The following TENM3 variants were observed in gnomAD, a reference collection of about 807,000 sequenced individuals.
The protein encoded by TENM3 is teneurin-3.
A neutral mutation model predicts 255.1 loss-of-function variants in TENM3; 63 were observed. The ratio of observed to expected loss-of-function variants is 0.25; its 90% CI spans 0.20 to 0.30. The LOEUF is 0.30. Ranked by LOEUF, TENM3 falls within the 10% of genes least tolerant of loss-of-function variation. The pLI is 1.00. For missense variants in TENM3, 2,929 were observed against 3,461.1 expected (o/e 0.85, Z 3.86); for synonymous variants, 1,306 against 1,322.3 (o/e 0.99, Z 0.27).
the TENM3 span, among the ~76,000 whole-genome samples, chr4:182,066,465 T>A: frequency 2.0e-5 from 3 of 152,106 alleles, no homozygotes; most frequent in Non-Finnish European, 4.4e-5. Context: ...AGCCTCGATG[T>A]GTGGCTTTAA....
chr4:182,109,317 C>T, the TENM3 span, among the ~76,000 whole-genome samples: 1 of 149,058 alleles, frequency 6.7e-6, no homozygotes, highest in Non-Finnish European at 1.5e-5. Context: ...ATAATCACTA[C>T]AGATAGTGAT....
the TENM3 span, among the ~76,000 whole-genome samples, chr4:182,095,443 C>T: frequency 6.6e-6 from 1 of 152,134 alleles, no homozygotes; most frequent in Non-Finnish European, 1.5e-5. Context: ...AAACCAGGCA[C>T]AGAAAGATAA....
chr4:182,299,890 G>C (rs938158201), intron 1 of TENM3, among the ~76,000 whole-genome samples: 1 of 151,596 alleles, frequency 6.6e-6, no homozygotes, highest in Non-Finnish European at 1.5e-5. Flanking sequence ...CAGAAGAAAA[G>C]ACCTGCTGTA....
At chr4:181,868,212 A>C in the TENM3 span, among the ~76,000 whole-genome samples, 1 of 152,072 alleles carries the variant, frequency 6.6e-6, no homozygotes, top group Non-Finnish European at 1.5e-5. Flanking sequence ...TATTCTCCAC[A>C]CGCCAACAGG....
intron 3 of TENM3, among the ~76,000 whole-genome samples, chr4:182,456,568 A>G (rs972196589): frequency 2.6e-5 from 4 of 152,246 alleles, no homozygotes; most frequent in African/African-American, 4.8e-5. Flanking sequence ...GTTAACTTAC[A>G]TGTACAGTTA....
At chr4:181,836,990 A>G in the TENM3 span, among the ~76,000 whole-genome samples, 3 of 100,626 alleles carry the variant, frequency 3.0e-5, no homozygotes, top group African/African-American at 8.2e-5. Context: ...TATTCTTAAG[A>G]ACTAAATTGT....
rs1766925015 is a variant in TENM3, at chr4:182,801,102, A to ACTT, written c.*752_*754dup. 6.6e-6 allele frequency: 1 copy of ACTT among 152,666 alleles called. No individual in the cohort carries two copies. Among genetic ancestry groups the ACTT allele is most frequent in the Non-Finnish European group, 1.5e-5 (1 of 68,052 alleles). 9.5% of individuals were successfully genotyped at this position (152,666 alleles called of 1,614,324 possible). On this transcript the variant is annotated 3_prime_UTR_variant, in exon 28 of 28. Transcript: ENST00000511685. ...TTATGTAAAGTGTTTAAAAATTTAT[A>ACTT]CTTAAAAATAAAATGATAAAAACGT...
In TENM3 at chr4:182,793,829, T is replaced by G; in HGVS notation, c.7157T>G (p.Met2386Arg). The change falls in exon 26 of 28, where the codon ATG (methionine) becomes AGG (arginine). Residue 2386 changes from methionine to arginine, a missense_variant. By Grantham distance (91) the Met-to-Arg change is moderately conservative (BLOSUM62 -1). This residue lies in a region of TENM3 where 476 missense variants were observed against 480.1 expected (regional missense o/e 0.99). Coordinates refer to ENST00000511685, the MANE Select transcript of TENM3 (RefSeq NM_001080477.4). This position sits in a 1 kb window ranked among gnomAD's most constrained non-coding sequence, Gnocchi z 5.7. ...GKDPAPFNLY[M>R]FRNNNPASKI... ...GACCCAGCTCCTTTTAACTTGTACA[T>G]GTTTAGGAATAACAACCCTGCAAGC... 6.2e-7 allele frequency: 1 copy of G among 1,613,576 alleles called. No homozygotes were observed.
intron 1 of TENM3, among the ~76,000 whole-genome samples, chr4:182,150,515 G>A (rs1206066177): frequency 1.3e-5 from 2 of 151,754 alleles, no homozygotes; most frequent in Non-Finnish European, 2.9e-5. Context: ...ATTGTATACA[G>A]TTGCTTATAC....
chr4:182,307,086 TATG>T (rs1157507431), intron 1 of TENM3, among the ~76,000 whole-genome samples: 1 of 152,254 alleles, frequency 6.6e-6, no homozygotes, highest in African/African-American at 2.4e-5. Context: ...GAAATCTTGA[TATG>T]ATACGTATTC....
At chr4:182,669,188 T>C (rs1754980968) in intron 6 of TENM3, among the ~76,000 whole-genome samples, 1 of 152,150 alleles carries the variant, frequency 6.6e-6, no homozygotes, top group Non-Finnish European at 1.5e-5. Flanking sequence ...CATGTAGAAG[T>C]CAACCAAAAG....
At chr4:181,768,795 T>C in the TENM3 span, among the ~76,000 whole-genome samples, 13 of 152,216 alleles carry the variant, frequency 8.5e-5, no homozygotes, top group Admixed American at 8.5e-4. Context: ...TGGCCCTCAA[T>C]GTTTTCTCAA....
intron 24 of TENM3, among the ~76,000 whole-genome samples, chr4:182,778,798 A>T (rs145405251): frequency 6.6e-6 from 1 of 152,260 alleles, no homozygotes; most frequent in East Asian, 1.9e-4. Context: ...TCACAAAGGA[A>T]TTCATGGTGA....
the TENM3 span, among the ~76,000 whole-genome samples, chr4:181,582,367 A>T: frequency 6.6e-6 from 1 of 152,116 alleles, no homozygotes; most frequent in Non-Finnish European, 1.5e-5. Flanking sequence ...CTGTCTCTGG[A>T]ATGAATCTGA....
the TENM3 span, among the ~76,000 whole-genome samples, chr4:181,970,164 T>G: frequency 6.6e-6 from 1 of 152,234 alleles, no homozygotes; most frequent in Admixed American, 6.5e-5. Flanking sequence ...TAATTCTAAC[T>G]TTTATTGATT....
chr4:182,614,848 A>T (rs1413149347), intron 4 of TENM3, among the ~76,000 whole-genome samples: 4 of 151,678 alleles, frequency 2.6e-5, no homozygotes, highest in African/African-American at 7.3e-5. Flanking sequence ...GCTGCCTCCA[A>T]CCTCAGTAAG....
At chr4:182,295,610 C>G (rs1761438027) in intron 1 of TENM3, among the ~76,000 whole-genome samples, 1 of 151,930 alleles carries the variant, frequency 6.6e-6, no homozygotes, top group African/African-American at 2.4e-5. Context: ...AGATTCTAAC[C>G]CTTGTAGCAA....
chr4:181,471,385 T>C, the TENM3 span, among the ~76,000 whole-genome samples: 2 of 152,182 alleles, frequency 1.3e-5, no homozygotes, highest in East Asian at 1.9e-4. Flanking sequence ...ATTATTTTAT[T>C]TAAAGCATTA....
chr4:182,725,588 T>A (rs1478356410), intron 13 of TENM3, among the ~76,000 whole-genome samples: 1 of 151,950 alleles, frequency 6.6e-6, no homozygotes, highest in East Asian at 1.9e-4. Context: ...GATAAATTTA[T>A]ATGAAATTTC....
Sources: gnomAD v4.1 joint callset for allele counts (sites outside exome capture counted in the v4.1 genomes callset) on GRCh38, gnomAD v4.1.1 for gene constraint, gnomAD v4.1.1 regional missense constraint, Gnocchi (gnomAD v3.1) non-coding constraint, MANE v1.5 for transcripts, NCBI Gene and HGNC (gene_info 2026-07-23, HGNC 2026-07-21) for gene names.